The following EPB41L5 variants were observed in gnomAD, a reference collection of about 807,000 sequenced individuals.
EPB41L5 encodes the protein band 4.1-like protein 5.
EPB41L5 carries 55 observed loss-of-function variants against 106.6 expected under a neutral mutation model. The observed-to-expected ratio is 0.52, with a 90% CI of 0.42 to 0.65. The LOEUF is 0.65. Ranked by LOEUF, EPB41L5 falls within the 30% of genes least tolerant of loss-of-function variation. The pLI is 0.00. For synonymous variants in EPB41L5, 297 were observed against 306.7 expected (o/e 0.97, Z 0.33); for missense variants, 871 against 882.1 (o/e 0.99, Z 0.16).
At chr2:120,128,719 T>G (rs1317239671) in intron 17 of EPB41L5, among the ~76,000 whole-genome samples, 2 of 152,152 alleles carry the variant, frequency 1.3e-5, no homozygotes, top group African/African-American at 4.8e-5. Context: ...TTTTTTTTTT[T>G]TTTGACATCT....
rs58380493 is a variant in EPB41L5, at chr2:120,022,316, A to G, written c.180+3052A>G. ...GTCATCTACATTAGGTATTTCTCCT[A>G]ATACTATCCCTCCCCTAACCCCCCA... On this transcript the variant is annotated intron_variant, in intron 2 of 24. Coordinates refer to ENST00000263713, the MANE Select transcript of EPB41L5 (RefSeq NM_020909.4). 7.6e-3 allele frequency among the ~76,000 whole-genome samples: 1,150 copies of G among 152,100 alleles called. 12 individuals carry two copies. The highest frequency in any genetic ancestry group is 0.026 in the African/African-American group (1,090 of 41,464).
intron 2 of EPB41L5, among the ~76,000 whole-genome samples, chr2:120,026,290 G>C (rs1213585942): frequency 6.6e-6 from 1 of 152,190 alleles, no homozygotes; most frequent in Non-Finnish European, 1.5e-5. Context: ...TGGTACATGA[G>C]ATATCCATCA....
chr2:120,108,372 T>G (rs1684569890), intron 16 of EPB41L5: 1 of 152,172 alleles, frequency 6.6e-6, no homozygotes, highest in Non-Finnish European at 1.5e-5. Context: ...GAAGGAAGTT[T>G]TATTTGTTTT....
chr2:120,139,703 G>T (rs770029224), intron 18 of EPB41L5, among the ~76,000 whole-genome samples: 2 of 151,942 alleles, frequency 1.3e-5, no homozygotes, highest in Non-Finnish European at 2.9e-5. Context: ...GATGTGGAGA[G>T]AAAGGAACCC....
intron 24 of EPB41L5, among the ~76,000 whole-genome samples, chr2:120,171,820 C>T (rs766176921): frequency 6.6e-6 from 1 of 151,422 alleles, no homozygotes; most frequent in Non-Finnish European, 1.5e-5. Context: ...AGAGAGCTAA[C>T]GATTGTCAGA....
chr2:120,015,090 G>A (rs1353788282), intron 1 of EPB41L5, among the ~76,000 whole-genome samples: 1 of 151,192 alleles, frequency 6.6e-6, no homozygotes, highest in Non-Finnish European at 1.5e-5. Context: ...TTGGGAGGCC[G>A]AGGCGGGCGG....
intron 2 of EPB41L5, among the ~76,000 whole-genome samples, chr2:120,029,082 G>T (rs144297528): frequency 6.6e-6 from 1 of 152,228 alleles, no homozygotes; most frequent in East Asian, 1.9e-4. Flanking sequence ...GAGATAGCAC[G>T]GCAGTTGGAG....
In EPB41L5 at chr2:120,100,706, G is replaced by A; in HGVS notation, c.1229G>A (p.Gly410Glu). The change falls in exon 16 of 25, where the codon GGG becomes GAG. Residue 410 changes from glycine (G) to glutamate (E), a missense_variant. Physicochemically the swap from Gly to Glu is moderately conservative, Grantham distance 98 (BLOSUM62 -2). Coordinates refer to ENST00000263713, the MANE Select transcript of EPB41L5 (RefSeq NM_020909.4). The stretch of plus-strand genomic sequence containing the variant: ...TATAATTTTTGTCCAAAGGCTTGGG[G>A]GATGAGATCTGCTCTGCCTGTGAGT... ...TQSNGSQQAW[G>E]MRSALPVSPS... 2 of 1,613,248 alleles carry A rather than the reference G, an allele frequency of 1.2e-6. No homozygotes were observed. Among genetic ancestry groups the A allele is most frequent in the Non-Finnish European group, 1.7e-6 (2 of 1,179,318 alleles).
chr2:120,138,829 AT>A lies in EPB41L5; in HGVS notation c.1600-4173del, dbSNP rs547278105. On this transcript the variant is annotated intron_variant, in intron 18 of 24. Transcript: ENST00000263713. ...ATATTCTTCAAAGAAATAGAAAAAAATAATCTAAAATTTATATGGAACCACA... is the reference window on the plus strand; with the variant it reads ...ATATTCTTCAAAGAAATAGAAAAAAAAATCTAAAATTTATATGGAACCACA... Among the ~76,000 whole-genome samples the A allele has an allele frequency of 8.2e-4, 124 of 152,092 alleles. 1 individual carries two copies. Among genetic ancestry groups the A allele is most frequent in the African/African-American group, 2.6e-3 (108 of 41,560 alleles).
chr2:120,077,361 A>C (rs1182928567), intron 9 of EPB41L5, 45 bp downstream of exon 9: 8 of 1,544,578 alleles, frequency 5.2e-6, no homozygotes, highest in Admixed American at 3.5e-5. Flanking sequence ...TATTCTTTGG[A>C]GGTTCGCAGT....
intron 16 of EPB41L5, among the ~76,000 whole-genome samples, chr2:120,114,381 G>A (rs1347413940): frequency 1.3e-5 from 2 of 152,146 alleles, no homozygotes; most frequent in African/African-American, 2.4e-5. Context: ...GTAATATGTG[G>A]TACATAAGAT....
chr2:120,030,275 G>A (rs1180895425), intron 2 of EPB41L5, among the ~76,000 whole-genome samples: 1 of 152,088 alleles, frequency 6.6e-6, no homozygotes, highest in Non-Finnish European at 1.5e-5. Flanking sequence ...ACAGTTTAGG[G>A]GTCATGCAGC....
rs548974567 is a variant in EPB41L5, at chr2:120,155,999, A to G, written c.1794-4882A>G. Among the ~76,000 whole-genome samples the G allele has an allele frequency of 3.3e-5, 5 of 152,260 alleles. No homozygotes were observed. The South Asian group carries it at 6.2e-4, about 19-fold the overall frequency. On this transcript the variant is annotated intron_variant, in intron 20 of 24. Coordinates refer to ENST00000263713, the MANE Select transcript of EPB41L5 (RefSeq NM_020909.4). ...CCACGGACACTCGAGTTGCAGGGAA[A>G]GCTGCTTAGAGAAGTGGTGGGGCAG...
Position 120,143,232 on chromosome 2 carries a change from G to T in EPB41L5, c.1728+101G>T. On this transcript the variant is annotated intron_variant, in intron 19 of 24. Coordinates refer to ENST00000263713, the MANE Select transcript of EPB41L5 (RefSeq NM_020909.4). Reference sequence around the variant, plus strand: ...AAATTCTAATCAAGCTAGATTAATGGTGCAGTCAGGGAGTTAAAAAATAAG... The same window carrying T: ...AAATTCTAATCAAGCTAGATTAATGTTGCAGTCAGGGAGTTAAAAAATAAG... The T allele has an allele frequency of 2.4e-6, 3 of 1,270,274 alleles. No individual in the cohort carries two copies. The South Asian group carries it at 5.2e-5, about 22-fold the overall frequency. 78.7% of individuals were successfully genotyped at this position (1,270,274 alleles called of 1,614,324 possible). A position where few individuals can be genotyped will look rare whatever the true frequency, so the allele number is the denominator to read the frequency against.
At chr2:120,077,532 A>C (rs754240091) in intron 9 of EPB41L5, among the ~76,000 whole-genome samples, 4 of 152,226 alleles carry the variant, frequency 2.6e-5, no homozygotes, top group Admixed American at 2.6e-4. Flanking sequence ...CAACATCCCT[A>C]ACAAGGTACT....
At chr2:120,023,927 T>C (rs1678118331) in intron 2 of EPB41L5, among the ~76,000 whole-genome samples, 1 of 152,238 alleles carries the variant, frequency 6.6e-6, no homozygotes, top group South Asian at 2.1e-4. Flanking sequence ...CTAGGCATTT[T>C]ATTCTCTTTG....
At chr2:120,062,523 AG>A (rs1681152407) in intron 3 of EPB41L5, among the ~76,000 whole-genome samples, 1 of 152,174 alleles carries the variant, frequency 6.6e-6, no homozygotes, top group African/African-American at 2.4e-5. Context: ...ATCAGGTCAA[AG>A]AGAGAGAGTT....
chr2:120,066,285 A>G (rs1057442088), intron 3 of EPB41L5, among the ~76,000 whole-genome samples: 16 of 152,314 alleles, frequency 1.1e-4, no homozygotes, highest in African/African-American at 3.4e-4. Context: ...CGCAATTTCA[A>G]CCAGCCGAGA....
intron 3 of EPB41L5, among the ~76,000 whole-genome samples, chr2:120,055,746 T>G (rs1680608078): frequency 6.6e-6 from 1 of 152,196 alleles, no homozygotes; most frequent in Admixed American, 6.5e-5. Flanking sequence ...ATAATTTCAT[T>G]TTTGGATTGT....
Sources: gnomAD v4.1 joint callset for allele counts (sites outside exome capture counted in the v4.1 genomes callset) on GRCh38, gnomAD v4.1.1 for gene constraint, MANE v1.5 for transcripts, NCBI Gene and HGNC (gene_info 2026-07-23, HGNC 2026-07-21) for gene names.